Variants in ZDHHC15 observed in about 807,000 individuals in gnomAD.
ZDHHC15 encodes the protein palmitoyltransferase ZDHHC15.
ZDHHC15 carries 19 observed loss-of-function variants against 31.7 expected under a neutral mutation model. That is an observed-to-expected ratio of 0.60 (90% CI 0.42 to 0.88). The LOEUF is 0.88. ZDHHC15 is among the 40% of genes least tolerant of loss of function. The probability of loss-of-function intolerance (pLI) is 0.00; values close to 1 mark genes in which losing one functional copy is unlikely to be tolerated. For missense variants in ZDHHC15, 209 were observed against 251.2 expected (o/e 0.83, Z 1.14); for synonymous variants, 103 against 90.0 (o/e 1.14, Z -0.82).
intron 10 of ZDHHC15, among the ~76,000 whole-genome samples, chrX:75,399,615 C>T (rs769671961): frequency 1.2e-4 from 13 of 111,739 alleles, no homozygotes; most frequent in Non-Finnish European, 2.3e-4. Context: ...GCTGCCTCTA[C>T]GCTGGGGAAG....
chrX:75,422,034 T>A (rs759921214), intron 8 of ZDHHC15, 44 bp from the exon 9 acceptor site: 1 of 1,168,321 alleles, frequency 8.6e-7, no homozygotes, highest in Non-Finnish European at 1.1e-6. Flanking sequence ...AAGAAAGCAA[T>A]AAAGAAACAA....
chrX:75,493,605 C>T (rs887414985), intron 2 of ZDHHC15, among the ~76,000 whole-genome samples: 18 of 111,939 alleles, frequency 1.6e-4, no homozygotes, highest in Middle Eastern at 9.2e-3. Flanking sequence ...GGCTTCATCC[C>T]TGGGATGCAA....
chrX:75,486,653 G>A (rs1044648910), intron 2 of ZDHHC15, among the ~76,000 whole-genome samples: 4 of 112,068 alleles, frequency 3.6e-5, no homozygotes, highest in African/African-American at 1.3e-4. Context: ...GTGGGGCAAA[G>A]CAAGAATGAG....
chrX:75,374,690 T>C (rs1602531063), intron 11 of ZDHHC15, among the ~76,000 whole-genome samples: 1 of 105,848 alleles, frequency 9.4e-6, no homozygotes, highest in Non-Finnish European at 1.9e-5. Flanking sequence ...TGTGTGTGTA[T>C]ATATATATAA....
chrX:75,515,417 G>C (rs1404543159), intron 1 of ZDHHC15, among the ~76,000 whole-genome samples: 1 of 111,068 alleles, frequency 9.0e-6, no homozygotes, highest in Admixed American at 9.6e-5. Context: ...TGGGATGCAA[G>C]GCTGGTTCAA....
intron 1 of ZDHHC15, among the ~76,000 whole-genome samples, chrX:75,515,890 A>G (rs2085348326): frequency 8.9e-6 from 1 of 112,161 alleles, no homozygotes; most frequent in Non-Finnish European, 1.9e-5. Flanking sequence ...GCAAAGTCTC[A>G]GGATACCAAA....
At chrX:75,485,190 G>A (rs1402295032) in intron 2 of ZDHHC15, among the ~76,000 whole-genome samples, 1 of 110,963 alleles carries the variant, frequency 9.0e-6, no homozygotes, top group Non-Finnish European at 1.9e-5. Context: ...ACTCAAAAAT[G>A]GTGACACTGC....
chrX:75,434,593 G>A (rs1366307930), intron 4 of ZDHHC15, among the ~76,000 whole-genome samples: 1 of 111,469 alleles, frequency 9.0e-6, no homozygotes, highest in Non-Finnish European at 1.9e-5. Flanking sequence ...TGTTGAATAG[G>A]GTGTCTTTCC....
chrX:75,519,803 G>A (rs1296656956), intron 1 of ZDHHC15, among the ~76,000 whole-genome samples: 1 of 111,897 alleles, frequency 8.9e-6, no homozygotes, highest in African/African-American at 3.3e-5. Flanking sequence ...CAAAACCCAG[G>A]TTGCTAATTT....
intron 10 of ZDHHC15, among the ~76,000 whole-genome samples, chrX:75,381,943 T>A: frequency 8.9e-6 from 1 of 111,942 alleles, no homozygotes; most frequent in East Asian, 2.8e-4. Context: ...GCTTAAGTCT[T>A]GCCTCATCCT....
intron 9 of ZDHHC15, among the ~76,000 whole-genome samples, chrX:75,418,852 C>T (rs1325545226): frequency 4.5e-5 from 5 of 112,013 alleles, no homozygotes; most frequent in Non-Finnish European, 9.4e-5. Flanking sequence ...ACCATAAAAA[C>T]CTTAGAAGAA....
intron 5 of ZDHHC15, among the ~76,000 whole-genome samples, chrX:75,431,130 T>C (rs1484411582): frequency 8.9e-6 from 1 of 112,115 alleles, no homozygotes; most frequent in East Asian, 2.8e-4. Flanking sequence ...TTGTAACAAA[T>C]GTATCATACA....
At chrX:75,439,866 A>T in intron 4 of ZDHHC15, among the ~76,000 whole-genome samples, 1 of 111,489 alleles carries the variant, frequency 9.0e-6, no homozygotes, top group Admixed American at 9.5e-5. Context: ...TGATCCCTTG[A>T]TGTGGTGTTC....
At chrX:75,490,769 C>A (rs978342656) in intron 2 of ZDHHC15, among the ~76,000 whole-genome samples, 1 of 111,561 alleles carries the variant, frequency 9.0e-6, no homozygotes, top group African/African-American at 3.3e-5. Context: ...AATGGGAGCT[C>A]ACTCATGATT....
chrX:75,389,254 C>T (rs1238697189), intron 10 of ZDHHC15, among the ~76,000 whole-genome samples: 1 of 111,341 alleles, frequency 9.0e-6, no homozygotes, highest in Non-Finnish European at 1.9e-5. Context: ...CTCTGGGGTC[C>T]TAAATAAACT....
chrX:75,457,101 A>G (rs1602658871), intron 3 of ZDHHC15, among the ~76,000 whole-genome samples: 1 of 111,999 alleles, frequency 8.9e-6, no homozygotes, highest in Non-Finnish European at 1.9e-5. Context: ...TTTAGAAAAA[A>G]TCTAAAAAAT....
At chrX:75,405,902 G>C (rs2083406399) in intron 10 of ZDHHC15, among the ~76,000 whole-genome samples, 1 of 112,127 alleles carries the variant, frequency 8.9e-6, no homozygotes, top group Admixed American at 9.5e-5. Context: ...TCTAGAATAG[G>C]CCAGATCTTA....
intron 1 of ZDHHC15, among the ~76,000 whole-genome samples, chrX:75,513,763 C>T (rs1029035973): frequency 9.0e-6 from 1 of 110,538 alleles, no homozygotes; most frequent in African/African-American, 3.3e-5. Flanking sequence ...CCAAGAAGTG[C>T]AATGAACTCC....
At chrX:75,423,433 G>A (rs1036365606) in intron 8 of ZDHHC15, among the ~76,000 whole-genome samples, 1 of 106,594 alleles carries the variant, frequency 9.4e-6, no homozygotes, top group African/African-American at 3.4e-5. Context: ...ACTTATAAGT[G>A]AGAACATGAA....
Sources: allele counts gnomAD v4.1 joint callset (sites outside exome capture counted in the v4.1 genomes callset), GRCh38; gene constraint gnomAD v4.1.1; transcripts MANE v1.5; gene names NCBI Gene and HGNC (gene_info 2026-07-23, HGNC 2026-07-21).